DNAJB13: variants seen among roughly 807,000 people sequenced by gnomAD.
The protein encoded by DNAJB13 is DnaJ heat shock protein family (Hsp40) member B13.
In DNAJB13, 22 loss-of-function variants were observed where a neutral mutation model predicts 35.6. That is an observed-to-expected ratio of 0.62 (90% CI 0.44 to 0.88). The LOEUF is 0.88. DNAJB13 is among the 40% of genes least tolerant of loss of function. The pLI is 0.00. For synonymous variants in DNAJB13, 136 were observed against 144.2 expected (o/e 0.94, Z 0.41); for missense variants, 370 against 384.3 (o/e 0.96, Z 0.31).
chr11:73,952,885 ATGCATGTGTCCAGCAATCATT>A (rs55841916), intron 1 of DNAJB13, among the ~76,000 whole-genome samples: 8,445 of 152,240 alleles, frequency 0.055, 270 homozygotes, highest in Middle Eastern at 0.099. Flanking sequence ...AGATGAGATA[ATGCATGTGTCCAGCAATCATT>A]TGCATGTGAA....
chr11:73,955,529 G>A (rs1488704931), intron 1 of DNAJB13, among the ~76,000 whole-genome samples: 4 of 151,778 alleles, frequency 2.6e-5, no homozygotes, highest in Admixed American at 2.0e-4. Context: ...GCCTGGTCTC[G>A]AACTCCTGAT....
chr11:73,959,746 C>T, intron 3 of DNAJB13, 91 bp downstream of exon 3: 2 of 1,241,430 alleles, frequency 1.6e-6, no homozygotes, highest in Non-Finnish European at 2.1e-6. Context: ...TTTATTTTTA[C>T]TTTATTATTT....
chr11:73,968,230 C>T (rs1017585971), intron 5 of DNAJB13, 115 bp from the exon 6 acceptor site: 3 of 903,098 alleles, frequency 3.3e-6, no homozygotes, highest in East Asian at 5.1e-5. Context: ...TTCCAGAAAA[C>T]CTGCTCTCAT....
At chr11:73,962,120 A>G (rs1402479521) in intron 3 of DNAJB13, among the ~76,000 whole-genome samples, 1 of 152,128 alleles carries the variant, frequency 6.6e-6, no homozygotes, top group Non-Finnish European at 1.5e-5. Context: ...TTACTGTCTT[A>G]TTGATGGGTA....
Position 73,959,481 on chromosome 11 carries a change from T to C in DNAJB13, c.173-13T>C, listed in dbSNP as rs781143290. On this transcript the variant is annotated splice_polypyrimidine_tract_variant and intron_variant, in intron 2 of 7. Transcript: ENST00000339764. Reference sequence around the variant, plus strand: ...AAAGTTGGACACCTCCTTAAGGTGATGCCCATCCACAGCCATGAAGAGAGG... The same window carrying C: ...AAAGTTGGACACCTCCTTAAGGTGACGCCCATCCACAGCCATGAAGAGAGG... The C allele has an allele frequency of 6.2e-7, 1 of 1,612,382 alleles. No homozygotes were observed. Among genetic ancestry groups the C allele is most frequent in the South Asian group, 1.1e-5 (1 of 90,888 alleles).
rs1327222278 is a variant in DNAJB13, at chr11:73,965,040, G to A, written c.492+5G>A. ...AAAATTAAGATCTCCAGAAGGGTGA[G>A]TACTCAGCTTGCTCCTCCCGGGAGC... On this transcript the variant is annotated splice_donor_5th_base_variant and intron_variant, in intron 4 of 7. Transcript: ENST00000339764. The A allele has an allele frequency of 6.4e-7, 1 of 1,562,250 alleles. No homozygotes were observed. The highest frequency in any genetic ancestry group is 1.4e-5 in the African/African-American group (1 of 72,780).
In DNAJB13 at chr11:73,969,266, G is replaced by A. The variant is rs185627938; in HGVS notation, c.741G>A (p.Val247=). ...CCTAGGCTCTCACCTGCTGCACTGTGGAGGTGAGGACCCTAGATGACCGTC... is the reference window on the plus strand; with the variant it reads ...CCTAGGCTCTCACCTGCTGCACTGTAGAGGTGAGGACCCTAGATGACCGTC... ...PLGKALTCCT[V]EVRTLDDRLL... Residue 247 remains valine (V), a synonymous_variant, in exon 7 of 8, where the codon GTG becomes GTA. Transcript: ENST00000339764. The A allele has an allele frequency of 5.7e-6, 5 of 872,510 alleles. No individual in the cohort carries two copies. The highest frequency in any genetic ancestry group is 8.0e-6 in the Non-Finnish European group (4 of 501,482). 54.0% of individuals were successfully genotyped at this position (872,510 alleles called of 1,614,324 possible).
intron 2 of DNAJB13, 102 bp from the exon 3 acceptor site, chr11:73,959,392 C>T: frequency 3.6e-6 from 5 of 1,379,084 alleles, no homozygotes; most frequent in Non-Finnish European, 4.9e-6. Flanking sequence ...GATCAGGCTG[C>T]TTCTGCCCCT....
At position 73,966,260 on chromosome 11, in the gene DNAJB13, G is replaced by T. The variant is rs1175241113; in HGVS notation, c.606+9G>T. 1 of 1,608,322 alleles carries T rather than the reference G, an allele frequency of 6.2e-7. No individual in the cohort carries two copies. The highest frequency in any genetic ancestry group is 1.7e-5 in the Admixed American group (1 of 59,252). On this transcript the variant is annotated intron_variant, in intron 5 of 7. Transcript: ENST00000339764. ...AGAAGGAAGGGGACCAGGTGAGGGG[G>T]GAAGAAGCTGACTCAGGTCAGTCAC...
At chr11:73,958,604 G>A (rs921311298) in intron 2 of DNAJB13, among the ~76,000 whole-genome samples, 184 bp downstream of exon 2, 2 of 152,218 alleles carry the variant, frequency 1.3e-5, no homozygotes, top group Admixed American at 6.5e-5. Context: ...TGAGGTGGAG[G>A]ACGTGGGGTG....
At chr11:73,953,472 A>G (rs1950637640) in intron 1 of DNAJB13, among the ~76,000 whole-genome samples, 1 of 152,218 alleles carries the variant, frequency 6.6e-6, no homozygotes, top group African/African-American at 2.4e-5. Flanking sequence ...AGGGCTCACA[A>G]CACTAAAGAT....
intron 1 of DNAJB13, among the ~76,000 whole-genome samples, chr11:73,954,002 A>ATAAT (rs1353542965): frequency 2.5e-5 from 2 of 80,142 alleles, no homozygotes; most frequent in Admixed American, 1.3e-4. Context: ...TAATAATAAA[A>ATAAT]TAATAATAAT....
Position 73,959,645 on chromosome 11 carries a change from C to T in DNAJB13, c.324C>T (p.Asn108=), listed in dbSNP as rs1419495327. The change falls in exon 3 of 8, where the codon AAC becomes AAT. Residue 108 remains asparagine, a synonymous_variant. Coordinates refer to ENST00000339764, the MANE Select transcript of DNAJB13 (RefSeq NM_153614.4). The stretch of plus-strand genomic sequence containing the variant: ...TCCACGAGTTCTTTGGTGGAAACAA[C>T]CCCTTCAGTGGTAAGAGGTCTTCCT... ...KVFHEFFGGN[N]PFSEFFDAEG... 7.4e-6 allele frequency: 12 copies of T among 1,614,000 alleles called. No individual in the cohort carries two copies. The highest frequency in any genetic ancestry group is 9.3e-6 in the Non-Finnish European group (11 of 1,179,886).
chr11:73,962,284 G>A (rs548989374), intron 3 of DNAJB13, among the ~76,000 whole-genome samples: 11 of 152,142 alleles, frequency 7.2e-5, no homozygotes, highest in East Asian at 1.9e-4. Context: ...TGATCTCAGC[G>A]TAGCCAAATC....
At chr11:73,959,454 C>A (rs1412217888) in intron 2 of DNAJB13, 40 bp from the exon 3 acceptor site, 1 of 1,587,454 alleles carries the variant, frequency 6.3e-7, no homozygotes, top group Non-Finnish European at 8.6e-7. Flanking sequence ...ATCTCAGCCC[C>A]CAAAGTTGGA....
chr11:73,952,250 G>A (rs1297507464), intron 1 of DNAJB13, among the ~76,000 whole-genome samples: 1 of 152,166 alleles, frequency 6.6e-6, no homozygotes, highest in African/African-American at 2.4e-5. Context: ...GAAAGGGGAG[G>A]GAATGGACTT....
intron 3 of DNAJB13, among the ~76,000 whole-genome samples, chr11:73,963,018 T>G (rs993000973): frequency 1.3e-5 from 2 of 152,162 alleles, no homozygotes; most frequent in African/African-American, 2.4e-5. Context: ...GATGAGATAA[T>G]GTTTATGAAA....
At chr11:73,967,543 G>C (rs997836156) in intron 5 of DNAJB13, among the ~76,000 whole-genome samples, 19 of 152,096 alleles carry the variant, frequency 1.2e-4, no homozygotes, top group African/African-American at 4.3e-4. Context: ...TCAGAAGTTT[G>C]AGACCAGTCT....
At position 73,966,130 on chromosome 11, in the gene DNAJB13, T is replaced by C. The variant is rs144333066; in HGVS notation, c.493-8T>C. 1.0e-3 allele frequency: 1,662 copies of C among 1,610,110 alleles called. 25 individuals carry two copies. The African/African-American group carries it at 0.021, about 20-fold the overall frequency. On this transcript the variant is annotated splice_region_variant and splice_polypyrimidine_tract_variant and intron_variant, in intron 4 of 7. Coordinates refer to ENST00000339764, the MANE Select transcript of DNAJB13 (RefSeq NM_153614.4). Reference sequence around the variant, plus strand: ...GCAGACCTCCCCACACCTGATATGTTGCTATAGGTGCTGAACGAGGATGGG... The same window carrying C: ...GCAGACCTCCCCACACCTGATATGTCGCTATAGGTGCTGAACGAGGATGGG...
Sources: allele counts gnomAD v4.1 joint callset (sites outside exome capture counted in the v4.1 genomes callset), GRCh38; gene constraint gnomAD v4.1.1; transcripts MANE v1.5; gene names NCBI Gene and HGNC (gene_info 2026-07-23, HGNC 2026-07-21).